Variants in PTPN13 observed in about 807,000 individuals in gnomAD.
The protein encoded by PTPN13 is tyrosine-protein phosphatase non-receptor type 13.
In PTPN13, 191 loss-of-function variants were observed where a neutral mutation model predicts 284.0. The ratio of observed to expected loss-of-function variants is 0.67; its 90% CI spans 0.60 to 0.76. The LOEUF (loss-of-function observed/expected upper bound fraction) is 0.76, where lower values mean the gene tolerates loss of function less well. PTPN13 is among the 30% of genes least tolerant of loss of function. The pLI is 0.00. For synonymous variants in PTPN13, 986 were observed against 1,022.3 expected (o/e 0.96, Z 0.68); for missense variants, 2,797 against 2,939.9 (o/e 0.95, Z 1.12).
chr4:86,624,091 A>G (rs1313229112), intron 1 of PTPN13, among the ~76,000 whole-genome samples: 1 of 152,184 alleles, frequency 6.6e-6, no homozygotes, highest in Non-Finnish European at 1.5e-5. Context: ...AGTTGTAACA[A>G]ATATTTAAAT....
chr4:86,764,643 T>G lies in PTPN13; in HGVS notation c.4068T>G (p.Phe1356Leu), dbSNP rs10033029. Residue 1356 changes from phenylalanine to leucine, a missense_variant, in exon 25 of 48, where the codon TTT becomes TTG. By Grantham distance (22) the Phe-to-Leu change is conservative. Coordinates refer to ENST00000411767, the MANE Select transcript of PTPN13 (RefSeq NM_080683.3). ...CCAACAAGATGAATTTTAAAACTTT[T>G]TCTTCATCACCTCCTAAGCCTGGAG... ...NTSNKMNFKT[F>L]SSSPPKPGDI... The G allele has an allele frequency of 0.1, 161,161 of 1,582,100 alleles. 9,112 individuals carry two copies. The highest frequency in any genetic ancestry group is 0.12 in the Non-Finnish European group (134,855 of 1,164,088).
intron 1 of PTPN13, among the ~76,000 whole-genome samples, chr4:86,627,100 G>A (rs1406764618): frequency 1.3e-5 from 2 of 152,076 alleles, no homozygotes; most frequent in Admixed American, 6.6e-5. Context: ...AGCAAAATAA[G>A]CTAGTCATTT....
At chr4:86,650,118 CT>C (rs1724908382) in intron 2 of PTPN13, among the ~76,000 whole-genome samples, 1 of 150,518 alleles carries the variant, frequency 6.6e-6, no homozygotes, top group African/African-American at 2.4e-5. Flanking sequence ...TTCCAAGTAG[CT>C]GGGATTGCAG....
At chr4:86,625,618 A>G (rs566567292) in intron 1 of PTPN13, among the ~76,000 whole-genome samples, 8 of 152,178 alleles carry the variant, frequency 5.3e-5, no homozygotes, top group Non-Finnish European at 1.2e-4. Flanking sequence ...ACACCTATTC[A>G]ACTTTTAGTC....
intron 32 of PTPN13, among the ~76,000 whole-genome samples, chr4:86,773,876 A>T (rs6821849): frequency 6.6e-6 from 1 of 152,136 alleles, no homozygotes; most frequent in African/African-American, 2.4e-5. Context: ...TATTTTATTT[A>T]TACAACAAAA....
At chr4:86,655,736 C>A (rs578171712) in intron 2 of PTPN13, among the ~76,000 whole-genome samples, 1 of 152,076 alleles carries the variant, frequency 6.6e-6, no homozygotes, top group African/African-American at 2.4e-5. Flanking sequence ...TTGTTCTTCT[C>A]GAGGAGTATC....
At chr4:86,759,335 A>C (rs533903242) in intron 23 of PTPN13, among the ~76,000 whole-genome samples, 3 of 152,274 alleles carry the variant, frequency 2.0e-5, no homozygotes, top group Admixed American at 1.3e-4. Context: ...ACCACCAAAA[A>C]CCAGAAATTT....
intron 17 of PTPN13, among the ~76,000 whole-genome samples, chr4:86,749,967 C>A (rs1034381934): frequency 1.3e-5 from 2 of 152,166 alleles, no homozygotes; most frequent in Non-Finnish European, 2.9e-5. Context: ...TCACCATCAC[C>A]GCAATCTGCC....
chr4:86,600,910 A>G (rs1016323064), intron 1 of PTPN13, among the ~76,000 whole-genome samples: 1 of 152,124 alleles, frequency 6.6e-6, no homozygotes, highest in African/African-American at 2.4e-5. Context: ...CAGAAGTTTC[A>G]GTTTTTAATG....
At chr4:86,620,280 C>A (rs1048900639) in intron 1 of PTPN13, among the ~76,000 whole-genome samples, 8 of 152,182 alleles carry the variant, frequency 5.3e-5, no homozygotes, top group Non-Finnish European at 8.8e-5. Context: ...ATCCTCCCAC[C>A]ACAGCCTCCC....
In PTPN13 at chr4:86,750,794, C is replaced by T. The variant is rs771100004; in HGVS notation, c.2975C>T (p.Pro992Leu). 7 of 1,613,550 alleles carry T rather than the reference C, an allele frequency of 4.3e-6. No homozygotes were observed. The Middle Eastern group carries it at 6.6e-4, about 152-fold the overall frequency. ...RKNVIVNMEP[P>L]PQTVAELVGK... ...AATGTCATTGTTAACATGGAACCCC[C>T]ACCACAAACCGTTGCAGAGTTGGTG... Residue 992 changes from proline to leucine, a missense_variant, in exon 18 of 48, where the codon CCA (proline) becomes CTA (leucine). Pro to Leu is a moderately conservative substitution (Grantham distance 98). Transcript: ENST00000411767.
chr4:86,686,762 T>G lies in PTPN13; in HGVS notation c.347T>G (p.Val116Gly), dbSNP rs375364576. ...MTLYWGADYE[V>G]PQSQPIKLGD... Reference sequence around the variant, plus strand: ...CTGTATTGGGGGGCTGATTATGAAGTGCCTCAGAGCCAAGTAAGTTAAGTT... The same window carrying G: ...CTGTATTGGGGGGCTGATTATGAAGGGCCTCAGAGCCAAGTAAGTTAAGTT... The change falls in exon 4 of 48, where the codon GTG (valine) becomes GGG (glycine). Residue 116 changes from valine (V) to glycine (G), a missense_variant. Val to Gly is a moderately radical substitution (Grantham distance 109). Coordinates refer to ENST00000411767, the MANE Select transcript of PTPN13 (RefSeq NM_080683.3). The G allele has an allele frequency of 1.3e-6, 2 of 1,579,868 alleles. No homozygotes were observed. Among genetic ancestry groups the G allele is most frequent in the Non-Finnish European group, 1.7e-6 (2 of 1,161,330 alleles).
intron 1 of PTPN13, among the ~76,000 whole-genome samples, chr4:86,622,361 C>A (rs1039560157): frequency 2.0e-5 from 3 of 152,102 alleles, no homozygotes; most frequent in African/African-American, 7.2e-5. Context: ...TTACAGAATA[C>A]GAGCTTATGG....
intron 32 of PTPN13, among the ~76,000 whole-genome samples, chr4:86,774,008 A>T (rs866530289): frequency 5.9e-5 from 9 of 151,854 alleles, no homozygotes; most frequent in South Asian, 2.1e-4. Context: ...AAATATATGA[A>T]TTTTTTTTCT....
In PTPN13 at chr4:86,809,975, G is replaced by C. The variant is rs1384624093; in HGVS notation, c.7290G>C (p.Gln2430His). The C allele has an allele frequency of 6.2e-7, 1 of 1,613,656 alleles. No homozygotes were observed. The highest frequency in any genetic ancestry group is 8.5e-7 in the Non-Finnish European group (1 of 1,179,652). Reference sequence around the variant, plus strand: ...ATGTGGTTCTGGGATTAATCAGTCAGGATCTTGATGTGAGTACAAGATATT... The same window carrying C: ...ATGTGGTTCTGGGATTAATCAGTCACGATCTTGATGTGAGTACAAGATATT... ...CIDVVLGLISQDLDFDISDLV... is the reference protein window; with the variant it reads ...CIDVVLGLISHDLDFDISDLV... The change falls in exon 46 of 48, where the codon CAG (glutamine) becomes CAC (histidine). Residue 2430 changes from glutamine (Q) to histidine (H), a missense_variant. Transcript: ENST00000411767.
chr4:86,744,472 A>G (rs540263263), intron 16 of PTPN13, among the ~76,000 whole-genome samples: 1 of 152,312 alleles, frequency 6.6e-6, no homozygotes, highest in African/African-American at 2.4e-5. Flanking sequence ...TTAGGCTACA[A>G]TTTCTGAAAG....
At chr4:86,710,069 C>T (rs771963377) in intron 7 of PTPN13, among the ~76,000 whole-genome samples, 4 of 152,068 alleles carry the variant, frequency 2.6e-5, no homozygotes, top group Admixed American at 6.6e-5. Context: ...AAGGTACAGT[C>T]GCTAATCTCC....
chr4:86,701,305 T>C lies in PTPN13; in HGVS notation c.699T>C (p.Leu233=). 1 of 1,612,210 alleles carries C rather than the reference T, an allele frequency of 6.2e-7. No homozygotes were observed. The highest frequency in any genetic ancestry group is 8.5e-7 in the Non-Finnish European group (1 of 1,179,004). The change falls in exon 7 of 48, where the codon CTT becomes CTC. Residue 233 remains leucine (L), a synonymous_variant. Coordinates refer to ENST00000411767, the MANE Select transcript of PTPN13 (RefSeq NM_080683.3). ...CTCCACTCTCTCATCAGACCTTTCT[T>C]AACAAAGGGCTTAGTAAATCTATGG... is the stretch of plus-strand genomic sequence containing the variant. ...QKPPLSHQTF[L]NKGLSKSMGF...
intron 43 of PTPN13, among the ~76,000 whole-genome samples, chr4:86,804,267 C>T (rs999850880): frequency 1.3e-5 from 2 of 152,136 alleles, no homozygotes; most frequent in African/African-American, 4.8e-5. Context: ...GCAGCAATGG[C>T]TCAGAGCCCT....
Sources: gnomAD v4.1 joint callset for allele counts (sites outside exome capture counted in the v4.1 genomes callset) on GRCh38, gnomAD v4.1.1 for gene constraint, MANE v1.5 for transcripts, NCBI Gene and HGNC (gene_info 2026-07-23, HGNC 2026-07-21) for gene names.